The following CDH19 variants were observed in gnomAD, a reference collection of about 807,000 sequenced individuals.
CDH19 encodes the protein cadherin 19.
Under a neutral mutation model 64.2 loss-of-function variants are expected in CDH19, and 67 were observed. The ratio of observed to expected loss-of-function variants is 1.04; its 90% CI spans 0.86 to 1.28. The LOEUF (loss-of-function observed/expected upper bound fraction) is 1.28, where lower values mean the gene tolerates loss of function less well. Among genes scored for constraint, CDH19 ranks in the 50% most tolerant of loss-of-function variants. The pLI is 0.00. For missense variants in CDH19, 1,030 were observed against 929.0 expected, an observed-to-expected ratio of 1.11 and a Z score of -1.41; for synonymous variants, 346 against 319.3, an observed-to-expected ratio of 1.08 and a Z score of -0.89.
At chr18:66,508,027 A>C (rs1474254520) in intron 11 of CDH19, among the ~76,000 whole-genome samples, 1 of 151,896 alleles carries the variant, frequency 6.6e-6, no homozygotes, top group Non-Finnish European at 1.5e-5. Flanking sequence ...GGATAAGGAA[A>C]ATGTGGTATA....
At chr18:66,541,917 G>A (rs985464792) in intron 7 of CDH19, among the ~76,000 whole-genome samples, 1 of 152,180 alleles carries the variant, frequency 6.6e-6, no homozygotes, top group African/African-American at 2.4e-5. Flanking sequence ...ATTTTCACAT[G>A]TAGTAAGCAT....
rs1985105332 is a variant in CDH19 at position 66,504,870 on chromosome 18, C to T, written c.2261G>A (p.Gly754Glu). 6 of 1,612,178 alleles carry T rather than the reference C, an allele frequency of 3.7e-6. No homozygotes were observed. Among genetic ancestry groups the T allele is most frequent in the Non-Finnish European group, 5.1e-6 (6 of 1,178,824 alleles). ...GCATGCTAATCTTTTAAAGCGAGGTCCCAACTCATTAAGGTAATCATAGCT... is the reference window on the plus strand; with the variant it reads ...GCATGCTAATCTTTTAAAGCGAGGTTCCAACTCATTAAGGTAATCATAGCT... ...DESYDYLNEL[G>E]PRFKRLACMF... The change falls in exon 12 of 12, where the codon GGA becomes GAA. Residue 754 changes from glycine (G) to glutamate (E), a missense_variant. Transcript: ENST00000262150.
chr18:66,601,063 C>G (rs554423940), intron 1 of CDH19, among the ~76,000 whole-genome samples: 1 of 151,970 alleles, frequency 6.6e-6, no homozygotes, highest in African/African-American at 2.4e-5. Flanking sequence ...AATGACACTA[C>G]TCTCTTGAAA....
chr18:66,509,412 T>C (rs1985362139), intron 10 of CDH19, among the ~76,000 whole-genome samples, 166 bp from the exon 11 acceptor site: 1 of 151,884 alleles, frequency 6.6e-6, no homozygotes, highest in Non-Finnish European at 1.5e-5. Flanking sequence ...CCACACTAAA[T>C]TATTAGTGTT....
At chr18:66,593,511 C>T (rs777135066) in intron 1 of CDH19, among the ~76,000 whole-genome samples, 9 of 151,818 alleles carry the variant, frequency 5.9e-5, no homozygotes, top group Admixed American at 1.3e-4. Context: ...TGGAGACTTG[C>T]ATAGTAGAAA....
chr18:66,558,054 T>C (rs995599376), intron 3 of CDH19, among the ~76,000 whole-genome samples: 1 of 151,532 alleles, frequency 6.6e-6, no homozygotes, highest in African/African-American at 2.4e-5. Context: ...GTAGGTATTT[T>C]TCTTCAATAA....
intron 7 of CDH19, among the ~76,000 whole-genome samples, chr18:66,540,257 C>CT (rs928115887): frequency 2.6e-5 from 4 of 151,826 alleles, no homozygotes; most frequent in East Asian, 1.9e-4. Context: ...TTTATTTGCT[C>CT]TTTTTTTTCT....
Position 66,553,371 on chromosome 18 carries a change from T to C in CDH19, c.610+1034A>G, listed in dbSNP as rs1987408204. Among the ~76,000 whole-genome samples, 2 of 134,186 alleles carry C rather than the reference T, an allele frequency of 1.5e-5. 1 individual carries two copies. The highest frequency in any genetic ancestry group is 3.0e-5 in the Non-Finnish European group (2 of 65,612). 88.0% of individuals were successfully genotyped at this position (134,186 alleles called of 152,430 possible). On this transcript the variant is annotated intron_variant, in intron 4 of 11. Transcript: ENST00000262150. ...TCATTGCATATAATAAAATAATTTT[T>C]CTTCCATACATTTGAAAAAATAAAG...
At chr18:66,576,971 T>A (rs1194016017) in intron 1 of CDH19, among the ~76,000 whole-genome samples, 1 of 151,492 alleles carries the variant, frequency 6.6e-6, no homozygotes, top group Non-Finnish European at 1.5e-5. Flanking sequence ...TATAATAATA[T>A]AAATAATTCA....
rs1243858066 is a variant in CDH19, at chr18:66,552,771, T to C, written c.611-1513A>G. 1.5e-5 allele frequency among the ~76,000 whole-genome samples: 2 copies of C among 134,622 alleles called. 1 individual carries two copies. Among genetic ancestry groups the C allele is most frequent in the African/African-American group, 6.8e-5 (2 of 29,202 alleles). 88.3% of individuals were successfully genotyped at this position (134,622 alleles called of 152,430 possible). On this transcript the variant is annotated intron_variant, in intron 4 of 11. Transcript: ENST00000262150. ...AATAGTTTAGCTAACCTGCTCAGTA[T>C]AGTTAAAAAGTCAGTGTGCAGGGTA... is the stretch of plus-strand genomic sequence containing the variant.
chr18:66,568,742 C>A, intron 2 of CDH19, 32 bp from the exon 3 acceptor site: 4 of 1,525,294 alleles, frequency 2.6e-6, no homozygotes, highest in Non-Finnish European at 3.5e-6. Flanking sequence ...ATTTAGTTTC[C>A]AAACATCTGA....
Position 66,571,998 on chromosome 18 carries a change from A to G in CDH19, c.195+12T>C. 6.3e-7 allele frequency: 1 copy of G among 1,581,274 alleles called. No individual in the cohort carries two copies. The highest frequency in any genetic ancestry group is 8.6e-7 in the Non-Finnish European group (1 of 1,156,366). On this transcript the variant is annotated intron_variant, in intron 2 of 11. Coordinates refer to ENST00000262150, the MANE Select transcript of CDH19 (RefSeq NM_021153.4). The stretch of plus-strand genomic sequence containing the variant: ...TGTGCTATTTACTGTAACATTTTAA[A>G]TAAATAAGTACCTGGCCGATGTGAT...
chr18:66,582,309 G>A (rs1988446658), intron 1 of CDH19, among the ~76,000 whole-genome samples: 1 of 151,996 alleles, frequency 6.6e-6, no homozygotes, highest in Non-Finnish European at 1.5e-5. Flanking sequence ...GCTGGGAAAT[G>A]TGGATGGGAT....
intron 1 of CDH19, among the ~76,000 whole-genome samples, chr18:66,577,913 T>C (rs940351851): frequency 5.9e-5 from 9 of 151,910 alleles, no homozygotes; most frequent in Non-Finnish European, 1.0e-4. Context: ...CATGCCTTGG[T>C]TCATATTCCA....
chr18:66,531,127 A>G (rs1057132335), intron 8 of CDH19, among the ~76,000 whole-genome samples: 4 of 152,062 alleles, frequency 2.6e-5, no homozygotes, highest in Admixed American at 2.0e-4. Flanking sequence ...TTTAAACTAC[A>G]CATATCTGTG....
chr18:66,571,021 C>A (rs114630372), intron 2 of CDH19, among the ~76,000 whole-genome samples: 2 of 151,564 alleles, frequency 1.3e-5, no homozygotes, highest in African/African-American at 2.4e-5. Flanking sequence ...GCCAACTGTG[C>A]GTATTATTTA....
intron 3 of CDH19, among the ~76,000 whole-genome samples, chr18:66,560,210 T>G (rs557794769): frequency 1.2e-4 from 19 of 152,120 alleles, no homozygotes; most frequent in Middle Eastern, 3.4e-3. Flanking sequence ...GTTCAGACAA[T>G]AATATTTGCC....
At chr18:66,526,228 CTAAGT>C (rs2144402115) in intron 9 of CDH19, among the ~76,000 whole-genome samples, 1 of 152,138 alleles carries the variant, frequency 6.6e-6, no homozygotes, top group East Asian at 1.9e-4. Context: ...AGAAAGTTCC[CTAAGT>C]TAACTAAACT....
At chr18:66,597,730 T>G (rs979897767) in intron 1 of CDH19, among the ~76,000 whole-genome samples, 5 of 151,928 alleles carry the variant, frequency 3.3e-5, no homozygotes, top group Non-Finnish European at 7.4e-5. Flanking sequence ...ATAAGGTACT[T>G]AAACAAATCA....
Sources: allele counts gnomAD v4.1 joint callset (sites outside exome capture counted in the v4.1 genomes callset), GRCh38; gene constraint gnomAD v4.1.1; transcripts MANE v1.5; gene names NCBI Gene and HGNC (gene_info 2026-07-23, HGNC 2026-07-21).